DOCK3: variants seen among roughly 807,000 people sequenced by gnomAD.
The protein encoded by DOCK3 is dedicator of cytokinesis 3, also known as dedicator of cytokinesis protein 3.
A neutral mutation model predicts 265.6 loss-of-function variants in DOCK3; 60 were observed. The observed-to-expected ratio is 0.23, with a 90% CI of 0.18 to 0.28. The LOEUF is 0.28. DOCK3 is among the 10% of genes least tolerant of loss of function. The pLI, the probability that DOCK3 is intolerant of heterozygous loss-of-function variation, is 1.00. For missense variants in DOCK3, 1,981 were observed against 2,594.3 expected (o/e 0.76, Z 5.14); for synonymous variants, 881 against 938.0 (o/e 0.94, Z 1.11).
At chr3:50,869,027 T>C (rs932496182) in intron 3 of DOCK3, among the ~76,000 whole-genome samples, 2 of 145,884 alleles carry the variant, frequency 1.4e-5, no homozygotes, top group Non-Finnish European at 3.0e-5. Context: ...CAGGCTGGAG[T>C]GCAGTGGCTT....
At chr3:51,227,888 G>A (rs1024829975) in intron 16 of DOCK3, 94 bp from the exon 17 acceptor site, 40 of 1,236,898 alleles carry the variant, frequency 3.2e-5, no homozygotes, top group Non-Finnish European at 4.0e-5. Context: ...AAGAGGCGAG[G>A]AACAAAAGAG....
chr3:51,054,787 T>TG (rs2081139415), intron 5 of DOCK3, among the ~76,000 whole-genome samples: 1 of 152,218 alleles, frequency 6.6e-6, no homozygotes, highest in African/African-American at 2.4e-5. Context: ...TTTTGGGTTT[T>TG]GGGGGTTATG....
chr3:50,682,239 A>G (rs2034462784), intron 1 of DOCK3, among the ~76,000 whole-genome samples: 1 of 152,192 alleles, frequency 6.6e-6, no homozygotes, highest in Non-Finnish European at 1.5e-5. Context: ...AGCCTCATCC[A>G]CTGACTTGTT....
chr3:50,915,586 C>G (rs950117485), intron 4 of DOCK3, among the ~76,000 whole-genome samples: 2 of 152,046 alleles, frequency 1.3e-5, no homozygotes, highest in Admixed American at 6.5e-5. Flanking sequence ...TCCTGGAATG[C>G]GCAGCTGCTC....
chr3:50,907,111 G>T (rs531824847), intron 4 of DOCK3, among the ~76,000 whole-genome samples: 54 of 152,180 alleles, frequency 3.5e-4, no homozygotes, highest in Non-Finnish European at 5.7e-4. Context: ...TTGCACTGTG[G>T]TCTGAGAGAC....
At chr3:50,998,622 G>A (rs1027788687) in intron 5 of DOCK3, among the ~76,000 whole-genome samples, 3 of 152,104 alleles carry the variant, frequency 2.0e-5, no homozygotes, top group African/African-American at 2.4e-5. Flanking sequence ...TCATAGCATC[G>A]TTAATATAGC....
chr3:51,237,541 G>A lies in DOCK3; in HGVS notation c.2053G>A (p.Val685Met), dbSNP rs746352449. 6.2e-7 allele frequency: 1 copy of A among 1,613,280 alleles called. No individual in the cohort carries two copies. Among genetic ancestry groups the A allele is most frequent in the Non-Finnish European group, 8.5e-7 (1 of 1,179,736 alleles). ...CATCAAGTATTTTCACTTTCGACCT[G>A]TGATGGACACGTATATCCAGAAGCA... ...RDIKYFHFRP[V>M]MDTYIQKHFA... is the part of the protein sequence containing the mutation. The change falls in exon 21 of 53, where the codon GTG (valine) becomes ATG (methionine). Residue 685 changes from valine to methionine, a missense_variant. Physicochemically the swap from Val to Met is conservative, Grantham distance 21. Transcript: ENST00000266037.
At chr3:50,756,827 C>T (rs2040190092) in intron 1 of DOCK3, among the ~76,000 whole-genome samples, 1 of 152,110 alleles carries the variant, frequency 6.6e-6, no homozygotes, top group Non-Finnish European at 1.5e-5. Context: ...TGTATATCTT[C>T]TTTGGGAGAA....
At chr3:50,858,353 A>G (rs2046718311) in intron 3 of DOCK3, among the ~76,000 whole-genome samples, 2 of 151,846 alleles carry the variant, frequency 1.3e-5, no homozygotes, top group South Asian at 4.2e-4. Flanking sequence ...GGTGCAGCAT[A>G]CCAACACGAC....
chr3:51,204,549 T>C (rs1384425529), intron 12 of DOCK3, among the ~76,000 whole-genome samples: 9 of 147,056 alleles, frequency 6.1e-5, no homozygotes, highest in African/African-American at 7.5e-5. Flanking sequence ...GAAATAGGAA[T>C]ACTTTTACAC....
intron 5 of DOCK3, among the ~76,000 whole-genome samples, chr3:51,030,508 C>T (rs2080005792): frequency 6.6e-6 from 1 of 152,114 alleles, no homozygotes; most frequent in African/African-American, 2.4e-5. Flanking sequence ...TTTTAGGATA[C>T]ACCCTCTAGT....
chr3:50,901,175 A>G (rs1403260581), intron 4 of DOCK3, among the ~76,000 whole-genome samples: 1 of 125,126 alleles, frequency 8.0e-6, no homozygotes, highest in African/African-American at 2.7e-5. Flanking sequence ...TGCCCTGCCC[A>G]GAGGAGGAAT....
At chr3:50,855,384 G>GTGTTT in intron 3 of DOCK3, among the ~76,000 whole-genome samples, 1 of 123,342 alleles carries the variant, frequency 8.1e-6, no homozygotes, top group South Asian at 2.5e-4. Context: ...GTATTATGTT[G>GTGTTT]TGTTGTGTTG....
intron 1 of DOCK3, among the ~76,000 whole-genome samples, chr3:50,698,517 G>GTTTTTTTTTTTTTGTTTTTTTTTTTTTTT (rs2035797286): frequency 5.1e-5 from 1 of 19,506 alleles, no homozygotes; most frequent in Non-Finnish European, 1.2e-4. Flanking sequence ...TATGTTTTTG[G>GTTTTTTTTTTTTTGTTTTTTTTTTTTTTT]TTTTTTTTTT....
chr3:51,001,394 G>A (rs773253932), intron 5 of DOCK3, among the ~76,000 whole-genome samples: 30 of 152,136 alleles, frequency 2.0e-4, no homozygotes, highest in Non-Finnish European at 3.1e-4. Flanking sequence ...CCTGCTGGCT[G>A]TCAGACTGAA....
chr3:50,931,184 T>C (rs1462754998), intron 4 of DOCK3, among the ~76,000 whole-genome samples: 4 of 152,226 alleles, frequency 2.6e-5, no homozygotes, highest in Non-Finnish European at 5.9e-5. Context: ...CCTTGCTCAT[T>C]ATTTTCTCTA....
chr3:50,890,347 T>G (rs1046800903), intron 4 of DOCK3, among the ~76,000 whole-genome samples: 1 of 152,122 alleles, frequency 6.6e-6, no homozygotes, highest in Admixed American at 6.6e-5. Context: ...AATTATGTAC[T>G]ATTTTGAGCA....
chr3:50,912,923 A>G (rs758442903), intron 4 of DOCK3, among the ~76,000 whole-genome samples: 42 of 152,054 alleles, frequency 2.8e-4, no homozygotes, highest in South Asian at 6.2e-4. Context: ...GGGCCCCTAG[A>G]GGCTGCTTTG....
intron 5 of DOCK3, among the ~76,000 whole-genome samples, chr3:50,960,954 G>A (rs1575616344): frequency 6.6e-6 from 1 of 152,080 alleles, no homozygotes; most frequent in African/African-American, 2.4e-5. Context: ...GCATTGAGTT[G>A]TCTTGGCACA....
Sources: gnomAD v4.1 joint callset for allele counts (sites outside exome capture counted in the v4.1 genomes callset) on GRCh38, gnomAD v4.1.1 for gene constraint, MANE v1.5 for transcripts, NCBI Gene and HGNC (gene_info 2026-07-23, HGNC 2026-07-21) for gene names.